ARL15: variants seen among roughly 807,000 people sequenced by gnomAD.
The protein encoded by ARL15 is ARF like GTPase 15, also known as ADP-ribosylation factor-like protein 15.
A neutral mutation model predicts 25.2 loss-of-function variants in ARL15; 19 were observed. That is an observed-to-expected ratio of 0.75 (90% CI 0.53 to 1.10). ARL15 has a LOEUF of 1.10. ARL15 is among the 50% of genes least tolerant of loss of function. The pLI is 0.00. For missense variants in ARL15, 220 were observed against 246.0 expected (o/e 0.89, Z 0.71); for synonymous variants, 94 against 86.8 (o/e 1.08, Z -0.46).
At chr5:53,976,842 T>C (rs1747942667) in intron 4 of ARL15, among the ~76,000 whole-genome samples, 1 of 152,106 alleles carries the variant, frequency 6.6e-6, no homozygotes, top group South Asian at 2.1e-4. Context: ...GGGCAGCCCC[T>C]TCAAAGGATG....
intron 4 of ARL15, among the ~76,000 whole-genome samples, chr5:53,919,671 T>C (rs1427181241): frequency 3.1e-5 from 3 of 98,312 alleles, no homozygotes; most frequent in Non-Finnish European, 6.6e-5. Flanking sequence ...CTATTTCTAC[T>C]GAATGGCAAC....
intron 4 of ARL15, among the ~76,000 whole-genome samples, chr5:54,006,616 G>T (rs1749053861): frequency 6.6e-6 from 1 of 151,994 alleles, no homozygotes; most frequent in Non-Finnish European, 1.5e-5. Flanking sequence ...AAAAAGTCTT[G>T]TTCAGACAAA....
intron 4 of ARL15, among the ~76,000 whole-genome samples, chr5:54,056,333 T>A (rs1223549644): frequency 6.6e-6 from 1 of 151,996 alleles, no homozygotes; most frequent in Non-Finnish European, 1.5e-5. Context: ...GCGGGGACCT[T>A]TAAGCAGTCT....
chr5:54,185,109 A>G (rs1755200285), intron 1 of ARL15, among the ~76,000 whole-genome samples: 1 of 152,146 alleles, frequency 6.6e-6, no homozygotes, highest in African/African-American at 2.4e-5. Flanking sequence ...CAGCTAAAAC[A>G]TGGTTTGACA....
chr5:53,935,375 A>C (rs1580095487), intron 4 of ARL15, among the ~76,000 whole-genome samples: 1 of 152,072 alleles, frequency 6.6e-6, no homozygotes, highest in South Asian at 2.1e-4. Context: ...AACAAAAAAG[A>C]AAATAAACAG....
At chr5:54,217,332 A>G (rs919834421) in intron 1 of ARL15, among the ~76,000 whole-genome samples, 1 of 152,018 alleles carries the variant, frequency 6.6e-6, no homozygotes, top group African/African-American at 2.4e-5. Context: ...ACTGTGAAAG[A>G]TTCCATTTTA....
rs192930897 is a variant in ARL15 at position 53,960,068 on chromosome 5, C to T, written c.463-73355G>A. ...CAGATATATAAGTCTATAGTTCAAA[C>T]GAAAGTGCTTGACGGGAAGATATAA... is the stretch of plus-strand genomic sequence containing the variant. On this transcript the variant is annotated intron_variant, in intron 4 of 4. Coordinates refer to ENST00000504924, the MANE Select transcript of ARL15 (RefSeq NM_019087.3). Among the ~76,000 whole-genome samples the T allele has an allele frequency of 2.3e-3, 355 of 151,992 alleles. 4 individuals are homozygous for T. The highest frequency in any genetic ancestry group is 4.5e-3 in the Admixed American group (68 of 15,262).
At chr5:54,208,980 C>T (rs1031402718) in intron 1 of ARL15, among the ~76,000 whole-genome samples, 2 of 152,088 alleles carry the variant, frequency 1.3e-5, no homozygotes, top group African/African-American at 4.8e-5. Context: ...AGAATATTGA[C>T]TGAATGATGA....
chr5:53,993,965 G>T (rs569218378), intron 4 of ARL15, among the ~76,000 whole-genome samples: 1 of 152,146 alleles, frequency 6.6e-6, no homozygotes, highest in Non-Finnish European at 1.5e-5. Flanking sequence ...TGTGTCCATT[G>T]TCAAGATATT....
chr5:53,888,511 TA>T (rs1744616539), intron 4 of ARL15, among the ~76,000 whole-genome samples: 1 of 152,168 alleles, frequency 6.6e-6, no homozygotes, highest in Admixed American at 6.5e-5. Context: ...CTTGAACTCC[TA>T]AGCTCAGGGG....
chr5:54,283,578 A>G (rs1428643636), intron 1 of ARL15, among the ~76,000 whole-genome samples: 1 of 294 alleles, frequency 3.4e-3, no homozygotes, highest in Admixed American at 0.05. Flanking sequence ...CTGAAAACAA[A>G]CCAGGGGCCA....
chr5:54,170,483 G>A (rs537113128), intron 2 of ARL15, among the ~76,000 whole-genome samples: 16 of 152,284 alleles, frequency 1.1e-4, no homozygotes, highest in African/African-American at 3.1e-4. Context: ...GGTCTGCTAA[G>A]ATTCAGCCAC....
chr5:54,016,040 TG>T lies in ARL15; in HGVS notation c.462+97161del, dbSNP rs201494983. Among the ~76,000 whole-genome samples, 1,299 of 152,300 alleles carry T rather than the reference TG, an allele frequency of 8.5e-3. 22 individuals carry two copies. The highest frequency in any genetic ancestry group is 0.03 in the African/African-American group (1,235 of 41,554). ...CCCAAGCCCTTTTCCTTTCTGTAGC[TG>T]AGGATGTTCTATAAACTTCAATCAT... On this transcript the variant is annotated intron_variant, in intron 4 of 4. Transcript: ENST00000504924.
At chr5:53,911,087 A>G (rs1176524550) in intron 4 of ARL15, among the ~76,000 whole-genome samples, 1 of 152,204 alleles carries the variant, frequency 6.6e-6, no homozygotes, top group Non-Finnish European at 1.5e-5. Flanking sequence ...ACGAAGCTTC[A>G]TTGAAAGCCA....
chr5:54,166,084 C>G (rs1416422806), intron 2 of ARL15, among the ~76,000 whole-genome samples: 5 of 152,066 alleles, frequency 3.3e-5, no homozygotes, highest in Non-Finnish European at 7.4e-5. Flanking sequence ...GCACTGGGAC[C>G]CAGCCAGTTA....
At chr5:54,306,039 C>T (rs1298884046) in intron 1 of ARL15, among the ~76,000 whole-genome samples, 2 of 152,134 alleles carry the variant, frequency 1.3e-5, no homozygotes, top group Admixed American at 6.5e-5. Flanking sequence ...CCCCTATGTG[C>T]CTTACTTAAC....
At chr5:54,236,092 TCTG>T (rs1183715857) in intron 1 of ARL15, among the ~76,000 whole-genome samples, 1 of 152,162 alleles carries the variant, frequency 6.6e-6, no homozygotes, top group Non-Finnish European at 1.5e-5. Flanking sequence ...GAACACAATG[TCTG>T]ATTCCTCTGA....
intron 1 of ARL15, among the ~76,000 whole-genome samples, chr5:54,281,170 G>A (rs532051170): frequency 3.0e-4 from 46 of 152,134 alleles, no homozygotes; most frequent in Admixed American, 1.0e-3. Context: ...ACCGAGTTTC[G>A]CTCTTGTCAC....
chr5:54,209,302 C>A (rs1755965806), intron 1 of ARL15, among the ~76,000 whole-genome samples: 1 of 149,034 alleles, frequency 6.7e-6, no homozygotes, highest in African/African-American at 2.5e-5. Context: ...AGTACATTAA[C>A]TAGAATGATG....
Sources: gnomAD v4.1 joint callset for allele counts (sites outside exome capture counted in the v4.1 genomes callset) on GRCh38, gnomAD v4.1.1 for gene constraint, MANE v1.5 for transcripts, NCBI Gene and HGNC (gene_info 2026-07-23, HGNC 2026-07-21) for gene names.